CR1: variants seen among roughly 807,000 people sequenced by gnomAD.
The protein encoded by CR1 is complement C3b/C4b receptor 1 (Knops blood group), also known as complement receptor type 1.
Under a neutral mutation model 187.3 loss-of-function variants are expected in CR1, and 116 were observed. That is an observed-to-expected ratio of 0.62 (90% confidence interval 0.53 to 0.72). CR1 has a LOEUF of 0.72. Ranked by LOEUF, CR1 falls within the 30% of genes least tolerant of loss-of-function variation. The pLI is 0.00. For synonymous variants in CR1, 576 were observed against 747.1 expected, an observed-to-expected ratio of 0.77 and a Z score of 3.73; for missense variants, 1,731 against 2,110.7, an observed-to-expected ratio of 0.82 and a Z score of 3.52.
At chr1:207,573,648 C>G (rs1017594724) in intron 27 of CR1, among the ~76,000 whole-genome samples, 2 of 151,890 alleles carry the variant, frequency 1.3e-5, no homozygotes, top group African/African-American at 4.8e-5. Flanking sequence ...TTCAATTGTA[C>G]AAATACTTCT....
At chr1:207,628,836 C>T (rs1374618258) in intron 45 of CR1, among the ~76,000 whole-genome samples, 2 of 152,098 alleles carry the variant, frequency 1.3e-5, no homozygotes, top group Non-Finnish European at 2.9e-5. Context: ...TCTAGAGAAC[C>T]GTATGCAATC....
In CR1 at chr1:207,587,535, G is replaced by C. The variant is rs1379691879; in HGVS notation, c.5680G>C (p.Val1894Leu). Residue 1894 changes from valine (V) to leucine (L), a missense_variant, in exon 34 of 47, where the codon GTC (valine) becomes CTC (leucine). Val to Leu is a conservative substitution (Grantham distance 32). Transcript: ENST00000367049. ...CTCTATCTCCTGCCTAGAAAACTTGGTCTGGTCAAGTGTTGAAGACAACTG... is the reference window on the plus strand; with the variant it reads ...CTCTATCTCCTGCCTAGAAAACTTGCTCTGGTCAAGTGTTGAAGACAACTG... ...MFSISCLENL[V>L]WSSVEDNCRR... 8.7e-6 allele frequency: 14 copies of C among 1,613,768 alleles called. No individual in the cohort carries two copies. The highest frequency in any genetic ancestry group is 1.2e-5 in the Non-Finnish European group (14 of 1,179,808).
chr1:207,592,052 C>T (rs963245473), intron 35 of CR1, among the ~76,000 whole-genome samples: 2 of 152,118 alleles, frequency 1.3e-5, no homozygotes, highest in African/African-American at 4.8e-5. Flanking sequence ...CTAAACTATT[C>T]CAAACAATAG....
intron 35 of CR1, among the ~76,000 whole-genome samples, chr1:207,602,198 A>G (rs932047431): frequency 4.6e-5 from 7 of 152,084 alleles, no homozygotes; most frequent in South Asian, 4.1e-4. Context: ...AAAAAAGACA[A>G]TGGCCCAGTT....
intron 35 of CR1, among the ~76,000 whole-genome samples, chr1:207,606,260 C>A (rs150917516): frequency 1.8e-3 from 271 of 152,332 alleles, no homozygotes; most frequent in African/African-American, 6.1e-3. Context: ...GCACAAGACA[C>A]TCCACTTACA....
rs533480952 is a variant in CR1, at chr1:207,593,861, A to G, written c.5810+5087A>G. On this transcript the variant is annotated intron_variant, in intron 35 of 46. Transcript: ENST00000367049. ...CAACAAACATGAAAAAAAGCTCATCATCACTGGTCATTAGAGAAATGCAAA... is the reference window on the plus strand; with the variant it reads ...CAACAAACATGAAAAAAAGCTCATCGTCACTGGTCATTAGAGAAATGCAAA... Among the ~76,000 whole-genome samples the G allele has an allele frequency of 2.6e-5, 4 of 152,378 alleles. No individual in the cohort carries two copies. The East Asian group carries it at 7.7e-4, about 29-fold the overall frequency.
At chr1:207,574,618 A>G (rs1296238082) in intron 27 of CR1, among the ~76,000 whole-genome samples, 1 of 152,226 alleles carries the variant, frequency 6.6e-6, no homozygotes, top group Non-Finnish European at 1.5e-5. Flanking sequence ...TTTACTAATA[A>G]TCTCTCTAAA....
In CR1 at chr1:207,633,797, C is replaced by T. The variant is rs182362322; in HGVS notation, c.7457+3176C>T. 9.2e-5 allele frequency among the ~76,000 whole-genome samples: 14 copies of T among 152,244 alleles called. No individual in the cohort carries two copies. The East Asian group carries it at 9.6e-4, about 10-fold the overall frequency. On this transcript the variant is annotated intron_variant, in intron 46 of 46. Transcript: ENST00000367049. ...GATCACCAAACAGGCTTTGTGTGAG[C>T]AACATGGCTGTTTATTTCACCTGGG...
At chr1:207,515,159 A>G (rs796647418) in intron 4 of CR1, among the ~76,000 whole-genome samples, 1,512 of 67,140 alleles carry the variant, frequency 0.023, 7 homozygotes, top group South Asian at 0.073. Context: ...ATATATACAT[A>G]TACATATATA....
intron 5 of CR1, among the ~76,000 whole-genome samples, chr1:207,526,224 C>T (rs2102311055): frequency 6.6e-6 from 1 of 152,116 alleles, no homozygotes; most frequent in Middle Eastern, 3.4e-3. Flanking sequence ...CTTTACCATC[C>T]TATGTCAGGT....
At chr1:207,597,713 A>T (rs1447762220) in intron 35 of CR1, among the ~76,000 whole-genome samples, 1 of 152,236 alleles carries the variant, frequency 6.6e-6, no homozygotes, top group Non-Finnish European at 1.5e-5. Flanking sequence ...TTAAACATAG[A>T]ATTACCATAT....
chr1:207,623,194 G>A, intron 45 of CR1, 126 bp downstream of exon 45: 1 of 662,120 alleles, frequency 1.5e-6, no homozygotes, highest in Non-Finnish European at 2.6e-6. Context: ...TATAAAGAAA[G>A]TCCTTGACAC....
chr1:207,620,042 C>T lies in CR1; in HGVS notation c.7229C>T (p.Pro2410Leu). The change falls in exon 43 of 47, where the codon CCT becomes CTT. Residue 2410 changes from proline (P) to leucine (L), a missense_variant. By Grantham distance (98) the Pro-to-Leu change is moderately conservative. Coordinates refer to ENST00000367049, the MANE Select transcript of CR1 (RefSeq NM_000651.6). ...SQCQADDRWDPPLAKCTSRTH... is the reference protein window; with the variant it reads ...SQCQADDRWDLPLAKCTSRTH... ...TGCCAGGCGGATGACAGATGGGACC[C>T]TCCTCTGGCCAAATGTACCTCTCGT... The T allele has an allele frequency of 6.2e-7, 1 of 1,611,728 alleles. No homozygotes were observed. Among genetic ancestry groups the T allele is most frequent in the Non-Finnish European group, 8.5e-7 (1 of 1,179,388 alleles).
intron 2 of CR1, 84 bp downstream of exon 2, chr1:207,506,167 T>C: frequency 6.7e-6 from 10 of 1,503,616 alleles, no homozygotes; most frequent in Non-Finnish European, 9.1e-6. Context: ...TGTAACTGAG[T>C]TGCATATGAC....
chr1:207,619,991 C>T lies in CR1; in HGVS notation c.7178C>T (p.Thr2393Ile), dbSNP rs1200358684. 16 of 1,613,826 alleles carry T rather than the reference C, an allele frequency of 9.9e-6. No individual in the cohort carries two copies. Among genetic ancestry groups the T allele is most frequent in the Admixed American group, 3.3e-5 (2 of 59,990 alleles). ...ACTTTGAAGTGTGAAGATGGGTATA[C>T]TCTGGAAGGCAGTCCCTGGAGCCAG... is the stretch of plus-strand genomic sequence containing the variant. ...YVTLKCEDGYTLEGSPWSQCQ... is the reference protein window; with the variant it reads ...YVTLKCEDGYILEGSPWSQCQ... The change falls in exon 43 of 47, where the codon ACT becomes ATT. Residue 2393 changes from threonine (T) to isoleucine (I), a missense_variant. Coordinates refer to ENST00000367049, the MANE Select transcript of CR1 (RefSeq NM_000651.6).
intron 31 of CR1, 28 bp from the exon 32 acceptor site, chr1:207,581,890 A>G (rs1317692173): frequency 1.3e-6 from 2 of 1,523,228 alleles, no homozygotes; most frequent in Non-Finnish European, 1.8e-6. Context: ...TGGTGCATTC[A>G]TCCAGCCACT....
chr1:207,602,631 C>G (rs1661637456), intron 35 of CR1, among the ~76,000 whole-genome samples: 1 of 151,992 alleles, frequency 6.6e-6, no homozygotes. Context: ...TCCTATTATT[C>G]AAAGTAGTTG....
intron 4 of CR1, 99 bp from the exon 5 acceptor site, chr1:207,523,512 A>AT: frequency 6.4e-7 from 1 of 1,550,892 alleles, no homozygotes; most frequent in Non-Finnish European, 8.7e-7. Context: ...TTAAAAGCAA[A>AT]TAATGAATGT....
rs746945883 is a variant in CR1 at position 207,580,501 on chromosome 1, C to A, written c.5114-10C>A. The A allele has an allele frequency of 5.2e-6, 7 of 1,348,542 alleles. No individual in the cohort carries two copies. In the East Asian group the frequency reaches 1.5e-4, roughly 29 times the overall value. 83.5% of individuals were successfully genotyped at this position (1,348,542 alleles called of 1,614,324 possible). A position where few individuals can be genotyped will look rare whatever the true frequency, so the allele number is the denominator to read the frequency against. On this transcript the variant is annotated splice_polypyrimidine_tract_variant and intron_variant, in intron 30 of 46. Coordinates refer to ENST00000367049, the MANE Select transcript of CR1 (RefSeq NM_000651.6). ...CCTATTTTTTCTTTTTTTTTTTTTT[C>A]TTCTTCTAGTGAAATCCTGTGATGA...
Sources: gnomAD v4.1 joint callset for allele counts (sites outside exome capture counted in the v4.1 genomes callset) on GRCh38, gnomAD v4.1.1 for gene constraint, MANE v1.5 for transcripts, NCBI Gene and HGNC (gene_info 2026-07-23, HGNC 2026-07-21) for gene names.